Variants in CCDC126 observed in about 807,000 individuals in gnomAD.
The protein encoded by CCDC126 is coiled-coil domain containing 126, also known as coiled-coil domain-containing protein 126.
Under a neutral mutation model 11.7 loss-of-function variants are expected in CCDC126, and 5 were observed. The ratio of observed to expected loss-of-function variants is 0.43; its 90% CI spans 0.22 to 0.90. CCDC126 has a LOEUF of 0.90. Among genes scored for constraint, CCDC126 ranks in the 40% least tolerant of loss-of-function variants. CCDC126 has a pLI of 0.27. For synonymous variants in CCDC126, 60 were observed against 61.9 expected, an observed-to-expected ratio of 0.97 and a Z score of 0.14; for missense variants, 150 against 163.1, an observed-to-expected ratio of 0.92 and a Z score of 0.44.
intron 3 of CCDC126, among the ~76,000 whole-genome samples, chr7:23,636,436 C>T (rs930542954): frequency 2.0e-5 from 3 of 150,398 alleles, no homozygotes; most frequent in African/African-American, 4.9e-5. Flanking sequence ...TCGCCGCCGC[C>T]ATCCCATCTA....
chr7:23,616,639 G>C (rs1358306473), intron 3 of CCDC126, among the ~76,000 whole-genome samples: 1 of 152,012 alleles, frequency 6.6e-6, no homozygotes, highest in African/African-American at 2.4e-5. Context: ...CATCCCCCTA[G>C]GTTCCAGTGT....
At chr7:23,600,753 A>G (rs1322242471) in intron 2 of CCDC126, among the ~76,000 whole-genome samples, 1 of 152,168 alleles carries the variant, frequency 6.6e-6, no homozygotes, top group Non-Finnish European at 1.5e-5. Flanking sequence ...TGAATGAGAG[A>G]TTTTAAGGTA....
At chr7:23,631,290 A>G (rs1366040913) in intron 3 of CCDC126, among the ~76,000 whole-genome samples, 1 of 152,204 alleles carries the variant, frequency 6.6e-6, no homozygotes, top group South Asian at 2.1e-4. Flanking sequence ...ATAAATTACC[A>G]ACATCAGGAA....
chr7:23,600,374 A>ACCCCCCC (rs35190673), intron 2 of CCDC126, among the ~76,000 whole-genome samples: 7 of 80,546 alleles, frequency 8.7e-5, no homozygotes, highest in South Asian at 5.8e-4. Flanking sequence ...TTCTGTGTTA[A>ACCCCCCC]CCCCCCCCCC....
At chr7:23,605,787 A>C (rs1366716686) in intron 2 of CCDC126, among the ~76,000 whole-genome samples, 1 of 152,190 alleles carries the variant, frequency 6.6e-6, no homozygotes, top group Non-Finnish European at 1.5e-5. Context: ...GCATACACAT[A>C]TCCCTTTGGG....
At chr7:23,630,718 CAAAAAAAAAAAAAA>C (rs775279967) in intron 3 of CCDC126, among the ~76,000 whole-genome samples, 2 of 25,482 alleles carry the variant, frequency 7.8e-5, no homozygotes, top group Admixed American at 7.5e-4. Context: ...GACCCTATCT[CAAAAAAAAAAAAAA>C]AAAAAAAAAA....
intron 3 of CCDC126, among the ~76,000 whole-genome samples, chr7:23,621,338 G>A (rs1375745314): frequency 6.6e-6 from 1 of 152,108 alleles, no homozygotes; most frequent in East Asian, 1.9e-4. Flanking sequence ...TCTCTTTGAA[G>A]CAATTGTGAA....
intron 3 of CCDC126, among the ~76,000 whole-genome samples, chr7:23,636,741 CCGGCAG>C (rs1287005599): frequency 4.0e-5 from 6 of 148,446 alleles, no homozygotes; most frequent in African/African-American, 1.3e-4. Context: ...GCGTCTCCGC[CCGGCAG>C]CCACCCCGTC....
intron 3 of CCDC126, among the ~76,000 whole-genome samples, chr7:23,636,807 G>T (rs1374614528): frequency 1.8e-4 from 23 of 125,286 alleles, no homozygotes; most frequent in African/African-American, 5.4e-4. Context: ...CAGCCGCCCC[G>T]TCCGGGAGGT....
intron 3 of CCDC126, among the ~76,000 whole-genome samples, chr7:23,620,283 G>A (rs765952205): frequency 3.5e-4 from 48 of 139,020 alleles, no homozygotes; most frequent in Middle Eastern, 3.7e-3. Context: ...TCTAACTGGC[G>A]TGAGATGGTA....
chr7:23,622,800 G>A (rs778109719), intron 3 of CCDC126: 2 of 462,844 alleles, frequency 4.3e-6, no homozygotes, highest in Admixed American at 2.4e-5. Context: ...ATGGTTGCCA[G>A]ATGATTACAG....
rs879596778 is a variant in CCDC126, at chr7:23,599,508, G to GT, written c.-146+1469dup. Among the ~76,000 whole-genome samples the GT allele has an allele frequency of 3.2e-3, 462 of 143,902 alleles. 1 individual carries two copies. The highest frequency in any genetic ancestry group is 6.2e-3 in the African/African-American group (244 of 39,506). 94.4% of individuals were successfully genotyped at this position (143,902 alleles called of 152,430 possible). Reference sequence around the variant, plus strand: ...TATATGTATATATATAGGTTTTGTTGTTTTTTTTTTTTGAGACAGAGTCTT... The same window carrying GT: ...TATATGTATATATATAGGTTTTGTTGTTTTTTTTTTTTTGAGACAGAGTCTT... On this transcript the variant is annotated intron_variant, in intron 2 of 3. Coordinates refer to ENST00000307471, the MANE Select transcript of CCDC126 (RefSeq NM_138771.4).
At chr7:23,619,306 C>T (rs955304538) in intron 3 of CCDC126, 17 of 271,930 alleles carry the variant, frequency 6.3e-5, no homozygotes, top group African/African-American at 4.0e-4. Context: ...ACCTGCACAT[C>T]TGAAGAAACA....
At chr7:23,640,595 A>G (rs1341035075) in intron 3 of CCDC126, among the ~76,000 whole-genome samples, 1 of 152,182 alleles carries the variant, frequency 6.6e-6, no homozygotes, top group Non-Finnish European at 1.5e-5. Flanking sequence ...CAAAACTTGT[A>G]CCACTCCAAA....
Position 23,612,246 on chromosome 7 carries a change from C to T in CCDC126, c.238+693C>T, listed in dbSNP as rs926477936. Among the ~76,000 whole-genome samples the T allele has an allele frequency of 6.6e-5, 10 of 151,170 alleles. No homozygotes were observed. The South Asian group carries it at 2.1e-3, about 32-fold the overall frequency. On this transcript the variant is annotated intron_variant, in intron 3 of 3. Transcript: ENST00000307471. ...CCAAGGTGGGAAGATTGCTGGAGCC[C>T]AGGAGTTTGAGACTAGCCTAGTAGC...
intron 3 of CCDC126, among the ~76,000 whole-genome samples, chr7:23,614,663 C>T (rs1008670389): frequency 6.6e-6 from 1 of 152,174 alleles, no homozygotes; most frequent in African/African-American, 2.4e-5. Context: ...CCAAATGACT[C>T]CTTTATCGAT....
intron 3 of CCDC126, among the ~76,000 whole-genome samples, chr7:23,634,681 A>C (rs991470316): frequency 2.6e-5 from 4 of 152,206 alleles, no homozygotes; most frequent in Non-Finnish European, 4.4e-5. Context: ...GGGTTCAGCC[A>C]GTGGGAGGTA....
Position 23,597,505 on chromosome 7 carries a change from A to C in CCDC126, c.-331A>C. ...AGCTCGATCTGGAGGCTGCTTCGCC[A>C]GTGTGGGACGCAGCTGACGCCCGCT... is the stretch of plus-strand genomic sequence containing the variant. On this transcript the variant is annotated 5_prime_UTR_variant, in exon 1 of 4. Transcript: ENST00000307471. 1 of 152,108 alleles carries C rather than the reference A, an allele frequency of 6.6e-6. No individual in the cohort carries two copies. The highest frequency in any genetic ancestry group is 1.9e-4 in the East Asian group (1 of 5,174). 9.4% of individuals were successfully genotyped at this position (152,108 alleles called of 1,614,324 possible).
At chr7:23,603,715 C>G (rs182191948) in intron 2 of CCDC126, among the ~76,000 whole-genome samples, 22 of 152,300 alleles carry the variant, frequency 1.4e-4, no homozygotes, top group Admixed American at 1.2e-3. Context: ...ATCCTCTGGT[C>G]CTCTACCCCA....
Sources: allele counts gnomAD v4.1 joint callset (sites outside exome capture counted in the v4.1 genomes callset), GRCh38; gene constraint gnomAD v4.1.1; transcripts MANE v1.5; gene names NCBI Gene and HGNC (gene_info 2026-07-23, HGNC 2026-07-21).